The following LIMCH1 variants were observed in gnomAD, a reference collection of about 807,000 sequenced individuals.
LIMCH1 encodes the protein LIM and calponin homology domains-containing protein 1.
A neutral mutation model predicts 176.5 loss-of-function variants in LIMCH1; 113 were observed. The observed-to-expected ratio is 0.64, with a 90% CI of 0.55 to 0.75. The LOEUF (loss-of-function observed/expected upper bound fraction) is 0.75, where lower values mean the gene tolerates loss of function less well. Ranked by LOEUF, LIMCH1 falls within the 30% of genes least tolerant of loss-of-function variation. LIMCH1 has a pLI of 0.00. For missense variants in LIMCH1, 1,674 were observed against 1,814.9 expected (o/e 0.92, Z 1.41); for synonymous variants, 619 against 645.9 (o/e 0.96, Z 0.63).
intron 1 of LIMCH1, chr4:41,386,090 AAAAG>A (rs1486711415): frequency 6.6e-6 from 1 of 152,252 alleles, no homozygotes; most frequent in East Asian, 1.9e-4. Context: ...ATTAATAGTA[AAAAG>A]TAGAATCAAG....
chr4:41,601,157 T>C (rs1310431388), intron 2 of LIMCH1, among the ~76,000 whole-genome samples: 1 of 152,200 alleles, frequency 6.6e-6, no homozygotes, highest in Non-Finnish European at 1.5e-5. Context: ...TTCTGTGTGT[T>C]AGATACTTTT....
chr4:41,380,161 A>G (rs11930729), intron 1 of LIMCH1, among the ~76,000 whole-genome samples: 1,779 of 152,268 alleles, frequency 0.012, 41 homozygotes, highest in African/African-American at 0.04. Context: ...ATAGGAATAA[A>G]AATGCTTCCA....
intron 1 of LIMCH1, among the ~76,000 whole-genome samples, chr4:41,485,890 A>G (rs567443054): frequency 6.6e-6 from 1 of 152,330 alleles, no homozygotes; most frequent in Admixed American, 6.5e-5. Flanking sequence ...GTAAGATGAC[A>G]GTGGCTTGGA....
At chr4:41,513,296 T>G (rs978517811) in intron 2 of LIMCH1, among the ~76,000 whole-genome samples, 5 of 152,210 alleles carry the variant, frequency 3.3e-5, no homozygotes, top group Non-Finnish European at 5.9e-5. Context: ...GAAAAGGCGT[T>G]GCTTGCTGTT....
At chr4:41,518,818 G>A (rs1311560730) in intron 2 of LIMCH1, among the ~76,000 whole-genome samples, 1 of 152,116 alleles carries the variant, frequency 6.6e-6, no homozygotes, top group East Asian at 1.9e-4. Context: ...CCACTTATAA[G>A]TGAGAATATG....
chr4:41,450,798 CAAAAAA>C (rs760652470), intron 1 of LIMCH1, among the ~76,000 whole-genome samples: 1 of 50,662 alleles, frequency 2.0e-5, no homozygotes, highest in African/African-American at 6.6e-5. Context: ...CTCTCTCTCT[CAAAAAA>C]AAAAAAAAAA....
intron 7 of LIMCH1, among the ~76,000 whole-genome samples, chr4:41,621,557 A>C (rs893805831): frequency 6.6e-6 from 1 of 150,676 alleles, no homozygotes; most frequent in African/African-American, 2.5e-5. Flanking sequence ...GCTGGGGTGC[A>C]GTGGTGCAAT....
At chr4:41,646,339 T>C (rs1217475496) in intron 16 of LIMCH1, 59 bp downstream of exon 16, 4 of 1,501,944 alleles carry the variant, frequency 2.7e-6, no homozygotes, top group Non-Finnish European at 2.7e-6. Flanking sequence ...TTTTTTTTTC[T>C]AAAAATTATT....
At chr4:41,478,366 G>A (rs564858600) in intron 1 of LIMCH1, among the ~76,000 whole-genome samples, 1 of 152,164 alleles carries the variant, frequency 6.6e-6, no homozygotes, top group African/African-American at 2.4e-5. Flanking sequence ...TTATAGTTGT[G>A]TTGCCCAAGT....
intron 1 of LIMCH1, among the ~76,000 whole-genome samples, chr4:41,489,868 G>A (rs2070425941): frequency 6.6e-6 from 1 of 151,988 alleles, no homozygotes; most frequent in Admixed American, 6.6e-5. Context: ...GCAGTCTACT[G>A]TTGATCAGAA....
chr4:41,443,980 T>A (rs2062986500), intron 1 of LIMCH1, among the ~76,000 whole-genome samples: 1 of 152,148 alleles, frequency 6.6e-6, no homozygotes, highest in Non-Finnish European at 1.5e-5. Flanking sequence ...TAAAACTGAA[T>A]CATAGAAGAG....
At chr4:41,620,830 C>G in intron 7 of LIMCH1, 140 bp downstream of exon 7, 2 of 982,818 alleles carry the variant, frequency 2.0e-6, no homozygotes, top group Non-Finnish European at 2.9e-6. Context: ...GCTCTGAGCA[C>G]GTAGATGATA....
chr4:41,397,837 T>C (rs941472965), intron 1 of LIMCH1, among the ~76,000 whole-genome samples: 1 of 152,194 alleles, frequency 6.6e-6, no homozygotes, highest in African/African-American at 2.4e-5. Context: ...TATATATTTA[T>C]ATTTCTCTAG....
intron 1 of LIMCH1, among the ~76,000 whole-genome samples, chr4:41,551,873 G>A (rs548336164): frequency 3.3e-5 from 5 of 152,230 alleles, no homozygotes; most frequent in African/African-American, 1.2e-4. Context: ...TTCAGAAAAA[G>A]TTTACCAATT....
intron 1 of LIMCH1, among the ~76,000 whole-genome samples, chr4:41,576,064 C>T (rs1222718785): frequency 6.6e-6 from 1 of 152,192 alleles, no homozygotes; most frequent in African/African-American, 2.4e-5. Context: ...ATGGGATGCT[C>T]ACAGTGACAT....
chr4:41,492,393 C>A (rs1025291468), intron 1 of LIMCH1, among the ~76,000 whole-genome samples: 93 of 127,974 alleles, frequency 7.3e-4, no homozygotes, highest in African/African-American at 2.3e-3. Flanking sequence ...AGAGGGAGAC[C>A]GTAGAAAGAG....
In LIMCH1 at chr4:41,619,337, G is replaced by A. The variant is rs755904118; in HGVS notation, c.355G>A (p.Ala119Thr). 6.2e-7 allele frequency: 1 copy of A among 1,614,176 alleles called. No homozygotes were observed. The highest frequency in any genetic ancestry group is 1.1e-5 in the South Asian group (1 of 91,078). ...QYLPNKSNQTAYVPAPLRKKK... is the reference protein window; with the variant it reads ...QYLPNKSNQTTYVPAPLRKKK... ...CCTCCCGAACAAAAGCAATCAGACG[G>A]CCTACGTCCCCGCGCCTCTGAGAAA... The change falls in exon 6 of 32, where the codon GCC becomes ACC. Residue 119 changes from alanine to threonine, a missense_variant. By Grantham distance (58) the Ala-to-Thr change is moderately conservative (BLOSUM62 0). This residue lies in a region of LIMCH1 where 655 missense variants were observed against 692.2 expected (regional missense o/e 0.95). Transcript: ENST00000503057.
chr4:41,445,928 G>A (rs550515504), intron 1 of LIMCH1, among the ~76,000 whole-genome samples: 7 of 152,294 alleles, frequency 4.6e-5, no homozygotes, highest in African/African-American at 1.7e-4. Context: ...AACTTAAAGT[G>A]GGTTTTATTT....
At chr4:41,624,408 C>T (rs2092798086) in intron 7 of LIMCH1, among the ~76,000 whole-genome samples, 1 of 152,032 alleles carries the variant, frequency 6.6e-6, no homozygotes, top group African/African-American at 2.4e-5. Flanking sequence ...CTCTACAGCC[C>T]TCCTTACCAA....
Sources: gnomAD v4.1 joint callset for allele counts (sites outside exome capture counted in the v4.1 genomes callset) on GRCh38, gnomAD v4.1.1 for gene constraint, gnomAD v4.1.1 regional missense constraint, MANE v1.5 for transcripts, NCBI Gene and HGNC (gene_info 2026-07-23, HGNC 2026-07-21) for gene names.